EYA4: variants seen among roughly 807,000 people sequenced by gnomAD.
The protein encoded by EYA4 is EYA transcriptional coactivator and phosphatase 4, also known as protein phosphatase EYA4.
In EYA4, 31 loss-of-function variants were observed where a neutral mutation model predicts 87.9. The ratio of observed to expected loss-of-function variants is 0.35; its 90% confidence interval spans 0.27 to 0.48. The LOEUF (loss-of-function observed/expected upper bound fraction) is 0.48. Among genes scored for constraint, EYA4 ranks in the 20% least tolerant of loss-of-function variants. EYA4 has a pLI of 0.99. For synonymous variants in EYA4, 263 were observed against 270.6 expected (o/e 0.97, Z 0.28); for missense variants, 678 against 761.4 (o/e 0.89, Z 1.29).
intron 13 of EYA4, among the ~76,000 whole-genome samples, chr6:133,495,045 G>T (rs905993460): frequency 2.0e-5 from 3 of 152,094 alleles, no homozygotes; most frequent in Non-Finnish European, 4.4e-5. Flanking sequence ...GAAGTGGGCA[G>T]ATCATCTGAG....
chr6:133,367,179 G>T (rs532007758), intron 2 of EYA4, among the ~76,000 whole-genome samples: 2 of 152,252 alleles, frequency 1.3e-5, no homozygotes, highest in South Asian at 4.2e-4. Flanking sequence ...CTATATCCGT[G>T]CAACTGAGGC....
chr6:133,446,133 G>A (rs1004264707), intron 3 of EYA4, among the ~76,000 whole-genome samples: 7 of 152,008 alleles, frequency 4.6e-5, no homozygotes, highest in Non-Finnish European at 8.8e-5. Flanking sequence ...CATATTGGTG[G>A]CAGGGGATGC....
intron 1 of EYA4, among the ~76,000 whole-genome samples, chr6:133,250,384 G>A (rs1264425194): frequency 6.6e-6 from 1 of 152,098 alleles, no homozygotes; most frequent in Non-Finnish European, 1.5e-5. Context: ...GCTCACACTT[G>A]TAATCCCAGC....
chr6:133,356,077 GAGAA>G (rs1052097070), intron 2 of EYA4, among the ~76,000 whole-genome samples: 4 of 151,452 alleles, frequency 2.6e-5, no homozygotes, highest in Non-Finnish European at 5.9e-5. Flanking sequence ...GAGAGAGAGA[GAGAA>G]AAGAGTGTGC....
intron 2 of EYA4, among the ~76,000 whole-genome samples, chr6:133,331,978 G>T (rs114793006): frequency 4.7e-4 from 71 of 152,350 alleles, no homozygotes; most frequent in African/African-American, 1.6e-3. Flanking sequence ...CCCCAGTGGG[G>T]TCACTGCCTC....
At chr6:133,284,602 T>A (rs898912239) in intron 2 of EYA4, among the ~76,000 whole-genome samples, 5 of 152,250 alleles carry the variant, frequency 3.3e-5, no homozygotes, top group African/African-American at 1.2e-4. Flanking sequence ...TTTGCTATAC[T>A]AGGGATTAAA....
At chr6:133,337,275 G>A (rs904991515) in intron 2 of EYA4, among the ~76,000 whole-genome samples, 1 of 152,290 alleles carries the variant, frequency 6.6e-6, no homozygotes, top group Non-Finnish European at 1.5e-5. Flanking sequence ...AGCAGAAAAT[G>A]TGATAGCTTC....
intron 13 of EYA4, among the ~76,000 whole-genome samples, chr6:133,494,977 TATCTC>T (rs1336969027): frequency 6.6e-6 from 1 of 152,186 alleles, no homozygotes; most frequent in Non-Finnish European, 1.5e-5. Flanking sequence ...TGTATCAAAA[TATCTC>T]ATGACGCCAG....
At chr6:133,442,882 A>C (rs1418228648) in intron 3 of EYA4, among the ~76,000 whole-genome samples, 1 of 152,080 alleles carries the variant, frequency 6.6e-6, no homozygotes, top group African/African-American at 2.4e-5. Context: ...AATATTGTCA[A>C]ATTTTTTTTG....
intron 13 of EYA4, among the ~76,000 whole-genome samples, chr6:133,501,765 T>C (rs569560210): frequency 1.3e-5 from 2 of 152,310 alleles, no homozygotes; most frequent in African/African-American, 4.8e-5. Flanking sequence ...AAAACGTCCT[T>C]AGTTTCTTTA....
chr6:133,345,278 A>G (rs1300267222), intron 2 of EYA4, among the ~76,000 whole-genome samples: 1 of 152,194 alleles, frequency 6.6e-6, no homozygotes, highest in African/African-American at 2.4e-5. Context: ...GTGGAGGGAA[A>G]GTTGCAGATA....
At chr6:133,498,408 T>C (rs1797817901) in intron 13 of EYA4, among the ~76,000 whole-genome samples, 1 of 152,206 alleles carries the variant, frequency 6.6e-6, no homozygotes, top group African/African-American at 2.4e-5. Flanking sequence ...GAGGGTTAAA[T>C]GAGTTAATGC....
chr6:133,450,049 G>A (rs1296169826), intron 5 of EYA4, among the ~76,000 whole-genome samples: 1 of 151,096 alleles, frequency 6.6e-6, no homozygotes, highest in Non-Finnish European at 1.5e-5. Context: ...GCAGTGGCGC[G>A]ATCTCCGCTC....
intron 3 of EYA4, among the ~76,000 whole-genome samples, chr6:133,428,122 G>A (rs1790835930): frequency 6.6e-6 from 1 of 152,170 alleles, no homozygotes; most frequent in African/African-American, 2.4e-5. Context: ...TGATGATGGG[G>A]TTGGTTGTGG....
At chr6:133,411,127 G>A (rs1447571405) in intron 3 of EYA4, among the ~76,000 whole-genome samples, 1 of 152,124 alleles carries the variant, frequency 6.6e-6, no homozygotes, top group Non-Finnish European at 1.5e-5. Flanking sequence ...ACTACATGAT[G>A]TTTTATTGTA....
At chr6:133,329,248 A>G (rs1781735083) in intron 2 of EYA4, among the ~76,000 whole-genome samples, 1 of 152,200 alleles carries the variant, frequency 6.6e-6, no homozygotes, top group African/African-American at 2.4e-5. Flanking sequence ...TTTTCCCAGC[A>G]TAAATTGGAT....
chr6:133,376,351 G>C (rs1031926754), intron 2 of EYA4, among the ~76,000 whole-genome samples: 1 of 151,508 alleles, frequency 6.6e-6, no homozygotes, highest in Non-Finnish European at 1.5e-5. Flanking sequence ...TTTTAATCTC[G>C]AATTTATAGT....
At chr6:133,295,218 T>TA (rs1397628274) in intron 2 of EYA4, among the ~76,000 whole-genome samples, 7 of 152,224 alleles carry the variant, frequency 4.6e-5, no homozygotes, top group Non-Finnish European at 8.8e-5. Flanking sequence ...GCTCCATAAT[T>TA]ATATTTTTCA....
intron 2 of EYA4, among the ~76,000 whole-genome samples, chr6:133,350,247 C>G (rs1401313274): frequency 1.3e-5 from 2 of 152,014 alleles, no homozygotes; most frequent in Non-Finnish European, 2.9e-5. Context: ...AGAATGAAGA[C>G]AAAAGTACAC....
Sources: gnomAD v4.1 joint callset for allele counts (sites outside exome capture counted in the v4.1 genomes callset) on GRCh38, gnomAD v4.1.1 for gene constraint, MANE v1.5 for transcripts, NCBI Gene and HGNC (gene_info 2026-07-23, HGNC 2026-07-21) for gene names.